Variants in UTP11 observed in about 807,000 individuals in gnomAD.
The protein encoded by UTP11 is UTP11 small subunit processome component.
In UTP11, 29 loss-of-function variants were observed where a neutral mutation model predicts 39.0. That is an observed-to-expected ratio of 0.74 (90% confidence interval 0.55 to 1.01). UTP11 has a LOEUF of 1.01. Ranked by LOEUF, UTP11 falls within the 50% of genes least tolerant of loss-of-function variation. The pLI, the probability that UTP11 is intolerant of heterozygous loss-of-function variation, is 0.00. For missense variants in UTP11, 281 were observed against 306.0 expected (o/e 0.92, Z 0.61); for synonymous variants, 111 against 105.0 (o/e 1.06, Z -0.35).
At chr1:38,022,205 G>A (rs1388076036) in intron 6 of UTP11, among the ~76,000 whole-genome samples, 1 of 152,166 alleles carries the variant, frequency 6.6e-6, no homozygotes, top group Non-Finnish European at 1.5e-5. Context: ...GGTTGAAGCA[G>A]CTTAGTGTAG....
At chr1:38,018,372 A>AT in intron 3 of UTP11, 92 bp from the exon 4 acceptor site, 1 of 906,122 alleles carries the variant, frequency 1.1e-6, no homozygotes, top group Admixed American at 2.4e-5. Flanking sequence ...CACTTGGCCT[A>AT]TGGTTGTCTT....
intron 6 of UTP11, among the ~76,000 whole-genome samples, chr1:38,020,704 A>G (rs909005277): frequency 2.0e-5 from 3 of 152,176 alleles, no homozygotes; most frequent in African/African-American, 4.8e-5. Flanking sequence ...AAATACCCCT[A>G]ATTAGTTTGA....
chr1:38,023,142 A>G (rs1388191881), intron 7 of UTP11, among the ~76,000 whole-genome samples: 2 of 152,258 alleles, frequency 1.3e-5, no homozygotes, highest in Non-Finnish European at 2.9e-5. Context: ...GTTTAAAAAT[A>G]GACAACATTG....
rs1646723921 is a variant in UTP11 at position 38,019,305 on chromosome 1, CA to C, written c.490del (p.Arg164GlufsTer8). 1 of 1,613,964 alleles carries C rather than the reference CA, an allele frequency of 6.2e-7. No individual in the cohort carries two copies. The highest frequency in any genetic ancestry group is 8.5e-7 in the Non-Finnish European group (1 of 1,180,022). The stretch of plus-strand genomic sequence containing the variant: ...TGCAAACAGCCCCGGAGCTAGTCGA[CA>C]GAGTCTTTAATAGGCCCAGGATAGA... ...HLQTAPELVD[R>X]VFNRPRIETL... On this transcript the variant is annotated frameshift_variant, in exon 6 of 8. Coordinates refer to ENST00000373014, the MANE Select transcript of UTP11 (RefSeq NM_016037.4). LOFTEE classifies it high-confidence loss of function.
intron 6 of UTP11, among the ~76,000 whole-genome samples, chr1:38,020,968 C>A (rs1441828249): frequency 6.6e-6 from 1 of 151,488 alleles, no homozygotes; most frequent in Non-Finnish European, 1.5e-5. Context: ...GTCACCCAGG[C>A]TGGAGTGCGG....
At chr1:38,020,292 G>A (rs562806892) in intron 6 of UTP11, among the ~76,000 whole-genome samples, 24 of 151,962 alleles carry the variant, frequency 1.6e-4, no homozygotes, top group Middle Eastern at 3.4e-3. Context: ...TTGTAGAAAC[G>A]GGGTCTCGCT....
chr1:38,018,095 G>T (rs1184782509), intron 3 of UTP11, among the ~76,000 whole-genome samples: 4 of 151,744 alleles, frequency 2.6e-5, no homozygotes, highest in African/African-American at 9.7e-5. Flanking sequence ...TTTTGAGATG[G>T]ACTCACTCTC....
In UTP11 at chr1:38,019,044, T is replaced by A; in HGVS notation, c.343-15T>A. ...AAGAATCTAATATAAAGTGAGACCA[T>A]ATTCTGTGTTCTAGAAAATCGAAAG... On this transcript the variant is annotated splice_polypyrimidine_tract_variant and intron_variant, in intron 4 of 7. Transcript: ENST00000373014. 6.3e-7 allele frequency: 1 copy of A among 1,577,228 alleles called. No individual in the cohort carries two copies. Among genetic ancestry groups the A allele is most frequent in the Non-Finnish European group, 8.7e-7 (1 of 1,149,662 alleles).
rs759739538 is a variant in UTP11, at chr1:38,019,322, C to T, written c.506C>T (p.Pro169Leu). 1.9e-6 allele frequency: 3 copies of T among 1,613,952 alleles called. No homozygotes were observed. Among genetic ancestry groups the T allele is most frequent in the African/African-American group, 1.3e-5 (1 of 74,970 alleles). Residue 169 changes from proline to leucine, a missense_variant, in exon 6 of 8, where the codon CCC (proline) becomes CTC (leucine). Coordinates refer to ENST00000373014, the MANE Select transcript of UTP11 (RefSeq NM_016037.4). ...CTAGTCGACAGAGTCTTTAATAGGC[C>T]CAGGATAGAGACCTTGCAGAAAGAA... is the stretch of plus-strand genomic sequence containing the variant. ...PELVDRVFNR[P>L]RIETLQKEKV...
At chr1:38,014,770 G>C (rs535075498) in intron 1 of UTP11, among the ~76,000 whole-genome samples, 101 of 152,144 alleles carry the variant, frequency 6.6e-4, no homozygotes, top group African/African-American at 2.4e-3. Flanking sequence ...TGAGTAGCTG[G>C]GACCACAGGC....
intron 6 of UTP11, among the ~76,000 whole-genome samples, chr1:38,021,319 C>G (rs1186273199): frequency 6.6e-6 from 1 of 152,196 alleles, no homozygotes; most frequent in Non-Finnish European, 1.5e-5. Context: ...TAGAATAGTT[C>G]ACCAGCATAG....
intron 6 of UTP11, 86 bp from the exon 7 acceptor site, chr1:38,022,613 G>A: frequency 1.1e-6 from 1 of 874,468 alleles, no homozygotes; most frequent in Middle Eastern, 2.2e-4. Flanking sequence ...AAACTATGCA[G>A]TTGGCTTAAA....
At chr1:38,019,614 A>G (rs1485006589) in intron 6 of UTP11, among the ~76,000 whole-genome samples, 4 of 151,522 alleles carry the variant, frequency 2.6e-5, no homozygotes. Flanking sequence ...CTCCCCAGTA[A>G]CTGGGACTAT....
At chr1:38,013,411 C>T (rs1646689287) in intron 1 of UTP11, among the ~76,000 whole-genome samples, 1 of 152,164 alleles carries the variant, frequency 6.6e-6, no homozygotes, top group African/African-American at 2.4e-5. Flanking sequence ...AAACTGAGGT[C>T]CAGAGTGGTG....
rs764279903 is a variant in UTP11 at position 38,018,464 on chromosome 1, G to A, written c.229G>A (p.Asp77Asn). 3.7e-6 allele frequency: 6 copies of A among 1,602,482 alleles called. No individual in the cohort carries two copies. Among genetic ancestry groups the A allele is most frequent in the Non-Finnish European group, 5.1e-6 (6 of 1,173,046 alleles). ...YYKMTRVKLQDGVHIIKETKE... is the reference protein window; with the variant it reads ...YYKMTRVKLQNGVHIIKETKE... ...TATATCTTTTAAATTTGGATTTTAG[G>A]ATGGAGTACATATTATTAAGGAGAC... Residue 77 changes from aspartate to asparagine, a missense_variant and splice_region_variant, in exon 4 of 8, where the codon GAT becomes AAT. Physicochemically the swap from Asp to Asn is conservative, Grantham distance 23. Transcript: ENST00000373014.
chr1:38,020,216 C>T (rs1646728667), intron 6 of UTP11, among the ~76,000 whole-genome samples: 1 of 152,142 alleles, frequency 6.6e-6, no homozygotes, highest in Admixed American at 6.5e-5. Flanking sequence ...ATCCTCCTGC[C>T]TCAGCCTCCT....
chr1:38,012,962 A>G (rs985519768), intron 1 of UTP11, 97 bp downstream of exon 1: 3 of 1,463,954 alleles, frequency 2.0e-6, no homozygotes, highest in Non-Finnish European at 2.9e-6. Flanking sequence ...TCCAAACTGT[A>G]TAGTATATAA....
intron 6 of UTP11, among the ~76,000 whole-genome samples, chr1:38,022,393 G>A (rs899669227): frequency 1.3e-5 from 2 of 150,986 alleles, no homozygotes; most frequent in African/African-American, 4.9e-5. Flanking sequence ...TTTTTTTTGA[G>A]ACAGAGTCTC....
chr1:38,014,461 A>T (rs909159150), intron 1 of UTP11, among the ~76,000 whole-genome samples: 3 of 152,234 alleles, frequency 2.0e-5, no homozygotes. Context: ...ACTATTTCAG[A>T]TACAATACCA....
Sources: gnomAD v4.1 joint callset for allele counts (sites outside exome capture counted in the v4.1 genomes callset) on GRCh38, gnomAD v4.1.1 for gene constraint, MANE v1.5 for transcripts, NCBI Gene and HGNC (gene_info 2026-07-23, HGNC 2026-07-21) for gene names.